ELAVL3: variants seen among roughly 807,000 people sequenced by gnomAD.
ELAVL3 encodes ELAV like RNA binding protein 3, also known as ELAV-like protein 3.
Under a neutral mutation model 34.2 loss-of-function variants are expected in ELAVL3, and 8 were observed. The observed-to-expected ratio is 0.23, with a 90% confidence interval of 0.14 to 0.42. ELAVL3 has a LOEUF of 0.42. ELAVL3 is among the 10% of genes least tolerant of loss of function. The pLI is 1.00. For missense variants in ELAVL3, 273 were observed against 518.8 expected (o/e 0.53, Z 4.60); for synonymous variants, 209 against 222.1 (o/e 0.94, Z 0.53).
At chr19:11,461,607 GTTTGT>G (rs1301318848) in intron 3 of ELAVL3, among the ~76,000 whole-genome samples, 1 of 150,882 alleles carries the variant, frequency 6.6e-6, no homozygotes, top group Non-Finnish European at 1.5e-5. Flanking sequence ...TTGTTTGTGG[GTTTGT>G]TTTGAGATGG....
At chr19:11,457,781 G>A (rs1970800741) in intron 5 of ELAVL3, among the ~76,000 whole-genome samples, 1 of 152,238 alleles carries the variant, frequency 6.6e-6, no homozygotes, top group Non-Finnish European at 1.5e-5. Flanking sequence ...CTGAGGCACA[G>A]AGCTACAGCC....
chr19:11,464,145 C>CTA (rs1339701414), intron 3 of ELAVL3, among the ~76,000 whole-genome samples: 55 of 107,786 alleles, frequency 5.1e-4, no homozygotes, highest in East Asian at 4.0e-3. Flanking sequence ...CTCTCTCTCT[C>CTA]TCTCTCTATA....
rs187966240 is a variant in ELAVL3 at position 11,466,840 on chromosome 19, G to A, written c.10-13C>T. ...CCCCCAGTATCTGCTGGAGATAACA[G>A]GTCGCATCCGCTCACCGCCCAGTCC... On this transcript the variant is annotated splice_polypyrimidine_tract_variant and intron_variant, in intron 1 of 6. Transcript: ENST00000359227. The surrounding 1 kb of genome is among the most constrained non-coding windows in gnomAD (Gnocchi z 5.0). The A allele has an allele frequency of 5.5e-3, 8,631 of 1,578,742 alleles. 35 individuals carry two copies. The highest frequency in any genetic ancestry group is 6.0e-3 in the Non-Finnish European group (6,990 of 1,161,492).
chr19:11,451,494 C>CTTTT lies in ELAVL3; in HGVS notation c.*3028_*3031dup, dbSNP rs950823031. On this transcript the variant is annotated 3_prime_UTR_variant, in exon 7 of 7. Coordinates refer to ENST00000359227, the MANE Select transcript of ELAVL3 (RefSeq NM_001420.4). Reference sequence around the variant, plus strand: ...TTTTTTTTTTTGTCTTTTGTTTTGTCTTTTTTTTTTTTTTTTTTTTTACAG... The same window carrying CTTTT: ...TTTTTTTTTTTGTCTTTTGTTTTGTCTTTTTTTTTTTTTTTTTTTTTTTTTACAG... The CTTTT allele has an allele frequency of 1.4e-4, 9 of 65,508 alleles. No individual in the cohort carries two copies. The highest frequency in any genetic ancestry group is 2.3e-4 in the African/African-American group (4 of 17,228). The allele number at this position is 65,508 out of a possible 1,614,324, so 4.1% of individuals were successfully genotyped here.
At chr19:11,457,950 C>T in intron 5 of ELAVL3, 111 bp downstream of exon 5, 1 of 1,167,676 alleles carries the variant, frequency 8.6e-7, no homozygotes, top group Non-Finnish European at 1.2e-6. Context: ...CCTTGGCTCC[C>T]ATGTGTGCGC....
intron 1 of ELAVL3, among the ~76,000 whole-genome samples, chr19:11,479,697 T>A (rs912851802): frequency 6.0e-5 from 9 of 149,084 alleles, no homozygotes; most frequent in African/African-American, 2.0e-4. Flanking sequence ...AGGCAGGGCG[T>A]GGCAGGGCGG....
chr19:11,464,131 C>G (rs866991441), intron 3 of ELAVL3, among the ~76,000 whole-genome samples: 180 of 101,148 alleles, frequency 1.8e-3, no homozygotes, highest in African/African-American at 8.9e-3. Flanking sequence ...CTGTCTCTCT[C>G]TCTCTCTCTC....
chr19:11,473,378 A>G (rs78852838), intron 1 of ELAVL3, among the ~76,000 whole-genome samples: 6,881 of 151,780 alleles, frequency 0.045, 202 homozygotes, highest in East Asian at 0.11. Context: ...AAAAGAAAAG[A>G]GAAAAGAAAA....
Position 11,480,667 on chromosome 19 carries a change from C to T in ELAVL3, c.-59G>A. The T allele has an allele frequency of 7.3e-7, 1 of 1,362,568 alleles. No homozygotes were observed. Among genetic ancestry groups the T allele is most frequent in the South Asian group, 2.0e-5 (1 of 50,654 alleles). 84.4% of individuals were successfully genotyped at this position (1,362,568 alleles called of 1,614,324 possible). ...GGGGGGCTCCGGGGGTGGTGCACTC[C>T]TAGGGGGGCGCCCGATGCTCACGCT... On this transcript the variant is annotated 5_prime_UTR_variant, in exon 1 of 7. Transcript: ENST00000359227. This position sits in a 1 kb window ranked among gnomAD's most constrained non-coding sequence, Gnocchi z 6.8.
At position 11,465,115 on chromosome 19, in the gene ELAVL3, C is replaced by CGT. The variant is rs1971011508; in HGVS notation, c.333+1056_333+1057insAC. On this transcript the variant is annotated intron_variant, in intron 3 of 6. Coordinates refer to ENST00000359227, the MANE Select transcript of ELAVL3 (RefSeq NM_001420.4). ...CACACCACACACACATACACATACA[C>CGT]CACACACATACACACCACACACATA... Among the ~76,000 whole-genome samples, 16 of 102,722 alleles carry CGT rather than the reference C, an allele frequency of 1.6e-4. No individual in the cohort carries two copies. In the South Asian group the frequency reaches 5.2e-3, roughly 33 times the overall value. The allele number at this position is 102,722 out of a possible 152,430, so 67.4% of individuals were successfully genotyped here.
intron 3 of ELAVL3, among the ~76,000 whole-genome samples, chr19:11,461,239 G>A (rs920390600): frequency 2.6e-5 from 4 of 152,060 alleles, no homozygotes; most frequent in African/African-American, 7.2e-5. Context: ...GGTGGTGACT[G>A]GTGAGTATTG....
intron 3 of ELAVL3, among the ~76,000 whole-genome samples, chr19:11,459,816 G>A (rs1312225456): frequency 6.6e-6 from 1 of 151,886 alleles, no homozygotes; most frequent in Admixed American, 6.6e-5. Flanking sequence ...CCAACTCCTG[G>A]ACTCAAGCCA....
chr19:11,457,078 G>A (rs1436584370), intron 6 of ELAVL3, 32 bp downstream of exon 6: 3 of 1,484,816 alleles, frequency 2.0e-6, no homozygotes, highest in Non-Finnish European at 2.7e-6. Flanking sequence ...GGATGGTGAG[G>A]GGTGGGGACA....
intron 1 of ELAVL3, among the ~76,000 whole-genome samples, chr19:11,477,448 T>C (rs1035520598): frequency 1.3e-5 from 2 of 152,136 alleles, no homozygotes; most frequent in African/African-American, 4.8e-5. Flanking sequence ...CTAATTTTTC[T>C]CTTTTTCTGT....
In ELAVL3 at chr19:11,456,891, C is replaced by T. The variant is rs756084746; in HGVS notation, c.752+219G>A. ...TGTTGCCCAGGCTGATCTTGAACTCCTGGCCTCAAGTGCTCCTTGCCCCTC... is the reference window on the plus strand; with the variant it reads ...TGTTGCCCAGGCTGATCTTGAACTCTTGGCCTCAAGTGCTCCTTGCCCCTC... On this transcript the variant is annotated intron_variant, in intron 6 of 6. Coordinates refer to ENST00000359227, the MANE Select transcript of ELAVL3 (RefSeq NM_001420.4). 9.7e-4 allele frequency among the ~76,000 whole-genome samples: 147 copies of T among 152,262 alleles called. 3 individuals carry two copies. Among genetic ancestry groups the T allele is most frequent in the Non-Finnish European group, 4.7e-4 (32 of 68,012 alleles).
At position 11,454,835 on chromosome 19, in the gene ELAVL3, A is replaced by T. The variant is rs1568377495; in HGVS notation, c.795T>A (p.Asp265Glu). The T allele has an allele frequency of 6.2e-7, 1 of 1,606,546 alleles. No homozygotes were observed. The highest frequency in any genetic ancestry group is 2.2e-5 in the East Asian group (1 of 44,758). ...CCACGCCCGCCAGGCCGCTCATACC[A>T]TCGATGGCGATCGGCGAGAACCTGG... ...LIARFSPIAI[D>E]GMSGLAGVGL... The change falls in exon 7 of 7, where the codon GAT becomes GAA. Residue 265 changes from aspartate to glutamate, a missense_variant. Physicochemically the swap from Asp to Glu is conservative, Grantham distance 45. Coordinates refer to ENST00000359227, the MANE Select transcript of ELAVL3 (RefSeq NM_001420.4). The surrounding 1 kb of genome is among the most constrained non-coding windows in gnomAD (Gnocchi z 9.2).
chr19:11,454,287 CAGCCTGG>C lies in ELAVL3; in HGVS notation c.*232_*238del. 1.9e-6 allele frequency: 1 copy of C among 537,646 alleles called. No homozygotes were observed. Among genetic ancestry groups the C allele is most frequent in the Non-Finnish European group, 3.3e-6 (1 of 302,878 alleles). 33.3% of individuals were successfully genotyped at this position (537,646 alleles called of 1,614,324 possible). A position where few individuals can be genotyped will look rare whatever the true frequency, so the allele number is the denominator to read the frequency against. The stretch of plus-strand genomic sequence containing the variant: ...AACCAAGACGAGAGAGTGAACAGCC[CAGCCTGG>C]GGTGGGGGCAGGAGGATGGGGCGGG... On this transcript the variant is annotated 3_prime_UTR_variant, in exon 7 of 7. Coordinates refer to ENST00000359227, the MANE Select transcript of ELAVL3 (RefSeq NM_001420.4). The surrounding 1 kb of genome is among the most constrained non-coding windows in gnomAD (Gnocchi z 9.2).
At chr19:11,461,170 C>A (rs570744270) in intron 3 of ELAVL3, among the ~76,000 whole-genome samples, 26 of 151,532 alleles carry the variant, frequency 1.7e-4, no homozygotes, top group Non-Finnish European at 2.8e-4. Flanking sequence ...CAGAGCAAGA[C>A]CCTGTCTCTA....
chr19:11,459,248 G>A (rs554790640), intron 3 of ELAVL3, among the ~76,000 whole-genome samples: 1 of 146,366 alleles, frequency 6.8e-6, no homozygotes, highest in African/African-American at 2.5e-5. Context: ...TCAGCCTCCT[G>A]ACTAGCTGGG....
Sources: gnomAD v4.1 joint callset for allele counts (sites outside exome capture counted in the v4.1 genomes callset) on GRCh38, gnomAD v4.1.1 for gene constraint, Gnocchi (gnomAD v3.1) non-coding constraint, MANE v1.5 for transcripts, NCBI Gene and HGNC (gene_info 2026-07-23, HGNC 2026-07-21) for gene names.